Variants in SLC6A19 observed in about 807,000 individuals in gnomAD.
SLC6A19 encodes solute carrier family 6 member 19.
Under a neutral mutation model 68.3 loss-of-function variants are expected in SLC6A19, and 67 were observed. The ratio of observed to expected loss-of-function variants is 0.98; its 90% CI spans 0.81 to 1.20. The LOEUF is 1.20. Ranked by LOEUF, SLC6A19 falls within the 50% of genes most tolerant of loss-of-function variation. The pLI, the probability that SLC6A19 is intolerant of heterozygous loss-of-function variation, is 0.00. For synonymous variants in SLC6A19, 392 were observed against 374.9 expected (o/e 1.05, Z -0.53); for missense variants, 813 against 851.6 (o/e 0.95, Z 0.56).
At chr5:1,217,771 G>A (rs910114149) in intron 8 of SLC6A19, among the ~76,000 whole-genome samples, 1 of 152,186 alleles carries the variant, frequency 6.6e-6, no homozygotes, top group African/African-American at 2.4e-5. Flanking sequence ...CATGAAATTC[G>A]CCCACTTCCA....
At chr5:1,204,614 T>C (rs12523572) in intron 1 of SLC6A19, among the ~76,000 whole-genome samples, 61,358 of 152,110 alleles carry the variant, frequency 0.4, 13,290 homozygotes, top group Non-Finnish European at 0.5. Context: ...AGTTGCCCCG[T>C]GTGTCCCCGT....
At chr5:1,208,416 G>A (rs1355249841) in intron 1 of SLC6A19, among the ~76,000 whole-genome samples, 1 of 152,202 alleles carries the variant, frequency 6.6e-6, no homozygotes, top group Non-Finnish European at 1.5e-5. Context: ...TGGGGAGGTC[G>A]ATTCCCAGGC....
At position 1,222,270 on chromosome 5, in the gene SLC6A19, G is replaced by C; in HGVS notation, c.*366G>C. 1.8e-6 allele frequency: 1 copy of C among 564,246 alleles called. No homozygotes were observed. The highest frequency in any genetic ancestry group is 3.1e-6 in the Non-Finnish European group (1 of 319,712). 35.0% of individuals were successfully genotyped at this position (564,246 alleles called of 1,614,324 possible). On this transcript the variant is annotated 3_prime_UTR_variant, in exon 12 of 12. Coordinates refer to ENST00000304460, the MANE Select transcript of SLC6A19 (RefSeq NM_001003841.3). ...TACATGTGTGCGATATTTGCTGCCC[G>C]TGTGTGTGCATGTATATATAGACAT...
In SLC6A19 at chr5:1,209,454, C is replaced by T. The variant is rs901567853; in HGVS notation, c.343+568C>T. The stretch of plus-strand genomic sequence containing the variant: ...CTGAGTCCAGGAAGCACCTGCCCTT[C>T]GGAAGCCTGCAGGCCTGGAGCAGAG... On this transcript the variant is annotated intron_variant, in intron 2 of 11. Transcript: ENST00000304460. This position sits in a 1 kb window ranked among gnomAD's most constrained non-coding sequence, Gnocchi z 5.5. 3.9e-5 allele frequency among the ~76,000 whole-genome samples: 6 copies of T among 152,042 alleles called. No individual in the cohort carries two copies. The highest frequency in any genetic ancestry group is 1.3e-4 in the Admixed American group (2 of 15,272).
rs779727632 is a variant in SLC6A19, at chr5:1,212,298, C to A, written c.482-5C>A. 21 of 1,613,162 alleles carry A rather than the reference C, an allele frequency of 1.3e-5. No homozygotes were observed. In the Admixed American group the frequency reaches 3.3e-4, roughly 26 times the overall value. On this transcript the variant is annotated splice_region_variant and splice_polypyrimidine_tract_variant and intron_variant, in intron 3 of 11. Transcript: ENST00000304460. This position sits in a 1 kb window ranked among gnomAD's most constrained non-coding sequence, Gnocchi z 5.1. ...CCTGAGGTGTGTGAATGGCCCTCTC[C>A]CCAGGGTATGTGGACGAGTGCGCCA...
chr5:1,212,587 G>C lies in SLC6A19; in HGVS notation c.663+103G>C. 1.4e-6 allele frequency: 2 copies of C among 1,450,208 alleles called. No individual in the cohort carries two copies. Among genetic ancestry groups the C allele is most frequent in the Non-Finnish European group, 1.9e-6 (2 of 1,056,606 alleles). 89.8% of individuals were successfully genotyped at this position (1,450,208 alleles called of 1,614,324 possible). On this transcript the variant is annotated intron_variant, in intron 4 of 11. Transcript: ENST00000304460. This position sits in a 1 kb window ranked among gnomAD's most constrained non-coding sequence, Gnocchi z 5.1. ...CTAAAACCCAGGTCTGGGGGTCCCG[G>C]GCTCTGCCTTTCCCCAGACCCCACC...
intron 3 of SLC6A19, among the ~76,000 whole-genome samples, chr5:1,211,524 A>C (rs1364923249): frequency 6.6e-6 from 1 of 152,192 alleles, no homozygotes; most frequent in Non-Finnish European, 1.5e-5. Flanking sequence ...TAACCAGTGC[A>C]CCTGTGTAGG....
intron 3 of SLC6A19, among the ~76,000 whole-genome samples, chr5:1,210,814 G>A (rs191683385): frequency 1.1e-3 from 163 of 152,316 alleles, no homozygotes; most frequent in African/African-American, 3.6e-3. Flanking sequence ...AGCCCGGGGG[G>A]GCTGTGCCTG....
At position 1,214,297 on chromosome 5, in the gene SLC6A19, T is replaced by C. The variant is rs903569892; in HGVS notation, c.887+232T>C. Among the ~76,000 whole-genome samples, 3 of 151,986 alleles carry C rather than the reference T, an allele frequency of 2.0e-5. No homozygotes were observed. The highest frequency in any genetic ancestry group is 7.3e-5 in the African/African-American group (3 of 41,374). On this transcript the variant is annotated intron_variant, in intron 6 of 11. Coordinates refer to ENST00000304460, the MANE Select transcript of SLC6A19 (RefSeq NM_001003841.3). The surrounding 1 kb of genome is among the most constrained non-coding windows in gnomAD (Gnocchi z 7.4). ...GGCCAGGAGCCGGGCGCCTGCAGCT[T>C]TCCCCACACCCGTCCCTCCACGAGC...
chr5:1,216,448 G>C (rs1746208455), intron 6 of SLC6A19, 110 bp from the exon 7 acceptor site: 15 of 1,521,296 alleles, frequency 9.9e-6, no homozygotes, highest in Non-Finnish European at 1.3e-5. Flanking sequence ...CAGTGGCTCA[G>C]CCTCTCACTC....
rs763527431 is a variant in SLC6A19 at position 1,219,598 on chromosome 5, C to T, written c.1472C>T (p.Ser491Phe). ...WLSLLDSYAG[S>F]IPLLIIAFCE... ...TCCCTGCTGGACAGCTATGCCGGCT[C>T]CATTCCCCTGCTCATCATCGCCTTC... The change falls in exon 10 of 12, where the codon TCC becomes TTC. Residue 491 changes from serine to phenylalanine, a missense_variant. Ser to Phe is a radical substitution (Grantham distance 155). Coordinates refer to ENST00000304460, the MANE Select transcript of SLC6A19 (RefSeq NM_001003841.3). 2.4e-5 allele frequency: 39 copies of T among 1,611,308 alleles called. No homozygotes were observed. The highest frequency in any genetic ancestry group is 3.1e-5 in the Non-Finnish European group (37 of 1,180,034).
intron 1 of SLC6A19, among the ~76,000 whole-genome samples, chr5:1,202,576 C>T (rs925705952): frequency 7.9e-5 from 12 of 152,182 alleles, no homozygotes; most frequent in Non-Finnish European, 1.5e-4. Context: ...CAGCCTTGGG[C>T]TTGGCGAACC....
At chr5:1,219,963 G>A (rs952398910) in intron 10 of SLC6A19, among the ~76,000 whole-genome samples, 10 of 152,180 alleles carry the variant, frequency 6.6e-5, no homozygotes, top group African/African-American at 1.7e-4. Context: ...CAGGGCCCAC[G>A]GCCGGGGATG....
rs1353533833 is a variant in SLC6A19, at chr5:1,224,264, A to T, written c.*2360A>T. 6.6e-6 allele frequency: 1 copy of T among 152,274 alleles called. No individual in the cohort carries two copies. Among genetic ancestry groups the T allele is most frequent in the Non-Finnish European group, 1.5e-5 (1 of 68,060 alleles). 9.4% of individuals were successfully genotyped at this position (152,274 alleles called of 1,614,324 possible). On this transcript the variant is annotated 3_prime_UTR_variant, in exon 12 of 12. Coordinates refer to ENST00000304460, the MANE Select transcript of SLC6A19 (RefSeq NM_001003841.3). ...CTGGGCGGGAGCTCCCATCTCATCT[A>T]CATCTCCTGATTCATGCGTTGTTTC...
rs1382641965 is a variant in SLC6A19, at chr5:1,212,022, G to C, written c.482-281G>C. Among the ~76,000 whole-genome samples, 5 of 150,800 alleles carry C rather than the reference G, an allele frequency of 3.3e-5. No homozygotes were observed. Among genetic ancestry groups the C allele is most frequent in the African/African-American group, 1.2e-4 (5 of 40,936 alleles). On this transcript the variant is annotated intron_variant, in intron 3 of 11. Transcript: ENST00000304460. The surrounding 1 kb of genome is among the most constrained non-coding windows in gnomAD (Gnocchi z 5.1). ...CGTGCATGTGAGCATGTGTGCCTCT[G>C]TGCATGTGTGTGCTGTGTGTGTGTG...
chr5:1,202,338 C>T (rs1745731562), intron 1 of SLC6A19, among the ~76,000 whole-genome samples: 2 of 152,314 alleles, frequency 1.3e-5, no homozygotes, highest in South Asian at 4.1e-4. Context: ...TGGACTCGGG[C>T]CTGGCTCTTG....
intron 1 of SLC6A19, among the ~76,000 whole-genome samples, chr5:1,202,368 T>C (rs1360561606): frequency 2.6e-5 from 4 of 152,128 alleles, no homozygotes; most frequent in Admixed American, 2.0e-4. Flanking sequence ...CCCTCAGGCC[T>C]GGAGGCCGGG....
Position 1,222,676 on chromosome 5 carries a change from T to C in SLC6A19, c.*772T>C, listed in dbSNP as rs930209143. On this transcript the variant is annotated 3_prime_UTR_variant, in exon 12 of 12. Transcript: ENST00000304460. ...ATGTATGTGCGCATATGGACACGCA[T>C]GGACACGCATATGGACACATATGGA... The C allele has an allele frequency of 1.0e-5, 2 of 198,082 alleles. No homozygotes were observed. Among genetic ancestry groups the C allele is most frequent in the Non-Finnish European group, 2.0e-5 (2 of 97,610 alleles). 12.3% of individuals were successfully genotyped at this position (198,082 alleles called of 1,614,324 possible).
chr5:1,204,821 G>A (rs1236817689), intron 1 of SLC6A19, among the ~76,000 whole-genome samples: 1 of 152,232 alleles, frequency 6.6e-6, no homozygotes, highest in Non-Finnish European at 1.5e-5. Flanking sequence ...CCTGGCCCCG[G>A]GGTCAGCTTT....
Sources: gnomAD v4.1 joint callset for allele counts (sites outside exome capture counted in the v4.1 genomes callset) on GRCh38, gnomAD v4.1.1 for gene constraint, Gnocchi (gnomAD v3.1) non-coding constraint, MANE v1.5 for transcripts, NCBI Gene and HGNC (gene_info 2026-07-23, HGNC 2026-07-21) for gene names.